UBE2O: variants seen among roughly 807,000 people sequenced by gnomAD.
UBE2O encodes the protein (E3-independent) E2 ubiquitin-conjugating enzyme.
UBE2O carries 15 observed loss-of-function variants against 125.8 expected under a neutral mutation model. The ratio of observed to expected loss-of-function variants is 0.12; its 90% CI spans 0.08 to 0.18. The LOEUF is 0.18. Among genes scored for constraint, UBE2O ranks in the 10% least tolerant of loss-of-function variants. The pLI is 1.00. For synonymous variants in UBE2O, 708 were observed against 703.2 expected, an observed-to-expected ratio of 1.01 and a Z score of -0.11; for missense variants, 1,280 against 1,723.6, an observed-to-expected ratio of 0.74 and a Z score of 4.56.
intron 1 of UBE2O, among the ~76,000 whole-genome samples, chr17:76,438,970 C>T (rs2073040844): frequency 6.6e-6 from 1 of 152,158 alleles, no homozygotes; most frequent in African/African-American, 2.4e-5. Context: ...CCCCACATTC[C>T]ACCTTGTAAA....
Position 76,407,759 on chromosome 17 carries a change from G to T in UBE2O, c.418-2187C>A, listed in dbSNP as rs116202300. Among the ~76,000 whole-genome samples, 1,219 of 152,382 alleles carry T rather than the reference G, an allele frequency of 8.0e-3. 21 individuals carry two copies. Among genetic ancestry groups the T allele is most frequent in the African/African-American group, 0.028 (1,158 of 41,590 alleles). On this transcript the variant is annotated intron_variant, in intron 1 of 17. Transcript: ENST00000319380. ...GGCAAGGCCAGAGGCTGGCAGGGCA[G>T]GCAGTGCCCAGTGCTCCCAGGAGAG...
chr17:76,426,915 T>G (rs1171965759), intron 1 of UBE2O, among the ~76,000 whole-genome samples: 1 of 132,972 alleles, frequency 7.5e-6, no homozygotes, highest in African/African-American at 3.0e-5. Flanking sequence ...AAATACAACT[T>G]TTTTTTTTTT....
rs374509574 is a variant in UBE2O at position 76,399,420 on chromosome 17, A to G, written c.1628+29T>C. 6.2e-7 allele frequency: 1 copy of G among 1,604,494 alleles called. No individual in the cohort carries two copies. Among genetic ancestry groups the G allele is most frequent in the Non-Finnish European group, 8.5e-7 (1 of 1,172,988 alleles). On this transcript the variant is annotated intron_variant, in intron 9 of 17. Coordinates refer to ENST00000319380, the MANE Select transcript of UBE2O (RefSeq NM_022066.4). This position sits in a 1 kb window ranked among gnomAD's most constrained non-coding sequence, Gnocchi z 6.9. ...CTCTGCCTGGCTTCACGCTGACGCC[A>G]TTGGGGAGGGGCACAACTCTGAGTT...
In UBE2O at chr17:76,452,747, T is replaced by C. The variant is rs893496556; in HGVS notation, c.395A>G (p.Lys132Arg). 6.0e-6 allele frequency: 9 copies of C among 1,505,866 alleles called. No individual in the cohort carries two copies. Among genetic ancestry groups the C allele is most frequent in the African/African-American group, 2.9e-5 (2 of 69,506 alleles). 93.3% of individuals were successfully genotyped at this position (1,505,866 alleles called of 1,614,324 possible). Residue 132 changes from lysine (K) to arginine (R), a missense_variant, in exon 1 of 18, where the codon AAG becomes AGG. By Grantham distance (26) the Lys-to-Arg change is conservative (BLOSUM62 2). Transcript: ENST00000319380. This position sits in a 1 kb window ranked among gnomAD's most constrained non-coding sequence, Gnocchi z 4.4. ...VRVQWYPEGV[K>R]QHVKETKLKL... ...CACCTTGGTCTCCTTCACATGCTGC[T>C]TGACGCCCTCCGGGTACCACTGGAC...
chr17:76,435,131 C>T (rs1598616999), intron 1 of UBE2O, among the ~76,000 whole-genome samples: 4 of 152,076 alleles, frequency 2.6e-5, no homozygotes, highest in South Asian at 2.1e-4. Context: ...TGAGTCACCA[C>T]GAAGCAAACG....
intron 1 of UBE2O, among the ~76,000 whole-genome samples, chr17:76,429,587 A>T (rs971099189): frequency 2.0e-5 from 3 of 152,056 alleles, no homozygotes; most frequent in African/African-American, 4.8e-5. Flanking sequence ...GAGGTGATAA[A>T]AAGATGATAG....
chr17:76,452,119 G>A lies in UBE2O; in HGVS notation c.417+606C>T, dbSNP rs977387257. Among the ~76,000 whole-genome samples the A allele has an allele frequency of 1.3e-5, 2 of 151,966 alleles. No homozygotes were observed. The highest frequency in any genetic ancestry group is 4.8e-5 in the African/African-American group (2 of 41,358). ...CTCCCCCCCAAGTACTATTCATACCGGGGCTCTGATTGCTAATGATTTTAC... is the reference window on the plus strand; with the variant it reads ...CTCCCCCCCAAGTACTATTCATACCAGGGCTCTGATTGCTAATGATTTTAC... On this transcript the variant is annotated intron_variant, in intron 1 of 17. Coordinates refer to ENST00000319380, the MANE Select transcript of UBE2O (RefSeq NM_022066.4). This position sits in a 1 kb window ranked among gnomAD's most constrained non-coding sequence, Gnocchi z 4.4.
chr17:76,407,576 A>G (rs1598594215), intron 1 of UBE2O, among the ~76,000 whole-genome samples: 1 of 152,292 alleles, frequency 6.6e-6, no homozygotes, highest in East Asian at 1.9e-4. Flanking sequence ...AGCAGCCAGG[A>G]AAGGAGGAGA....
chr17:76,398,595 A>G lies in UBE2O; in HGVS notation c.1784-11T>C. 5.6e-6 allele frequency: 9 copies of G among 1,612,718 alleles called. No individual in the cohort carries two copies. The highest frequency in any genetic ancestry group is 7.6e-6 in the Non-Finnish European group (9 of 1,178,950). On this transcript the variant is annotated splice_polypyrimidine_tract_variant and intron_variant, in intron 10 of 17. Coordinates refer to ENST00000319380, the MANE Select transcript of UBE2O (RefSeq NM_022066.4). This position sits in a 1 kb window ranked among gnomAD's most constrained non-coding sequence, Gnocchi z 5.4. ...CTGGACAGCTCTGGACTAGGGAACC[A>G]GAGAAAGGGAAGTGACTAGCTAAGG...
chr17:76,422,476 C>T (rs1331722396), intron 1 of UBE2O, among the ~76,000 whole-genome samples: 1 of 152,216 alleles, frequency 6.6e-6, no homozygotes, highest in Non-Finnish European at 1.5e-5. Flanking sequence ...GCCCATTCAG[C>T]AAACTGAATA....
Position 76,398,740 on chromosome 17 carries a change from GCT to G in UBE2O, c.1783+95_1783+96del. ...CAGTCCCCTTCTGGACCTCATTTTAGCTCTGACCCCAGATCCACTGCCCATTC... is the reference window on the plus strand; with the variant it reads ...CAGTCCCCTTCTGGACCTCATTTTAGCTGACCCCAGATCCACTGCCCATTC... On this transcript the variant is annotated intron_variant, in intron 10 of 17. Coordinates refer to ENST00000319380, the MANE Select transcript of UBE2O (RefSeq NM_022066.4). The surrounding 1 kb of genome is among the most constrained non-coding windows in gnomAD (Gnocchi z 5.4). 3 of 1,527,416 alleles carry G rather than the reference GCT, an allele frequency of 2.0e-6. No individual in the cohort carries two copies. Among genetic ancestry groups the G allele is most frequent in the South Asian group, 2.4e-5 (2 of 81,918 alleles). 94.6% of individuals were successfully genotyped at this position (1,527,416 alleles called of 1,614,324 possible). A position where few individuals can be genotyped will look rare whatever the true frequency, so the allele number is the denominator to read the frequency against.
chr17:76,441,628 C>A (rs2073076343), intron 1 of UBE2O, among the ~76,000 whole-genome samples: 1 of 152,252 alleles, frequency 6.6e-6, no homozygotes, highest in East Asian at 1.9e-4. Context: ...CCAGCAGCAT[C>A]AATGTCACTG....
At chr17:76,451,405 G>C (rs750374705) in intron 1 of UBE2O, among the ~76,000 whole-genome samples, 13 of 152,202 alleles carry the variant, frequency 8.5e-5, no homozygotes, top group Non-Finnish European at 1.8e-4. Context: ...TCTCTGAGGG[G>C]AAGCAGGGTC....
At chr17:76,433,712 A>AG (rs2072939392) in intron 1 of UBE2O, among the ~76,000 whole-genome samples, 2 of 151,158 alleles carry the variant, frequency 1.3e-5, no homozygotes, top group African/African-American at 4.9e-5. Context: ...ACTCCATCTC[A>AG]GAAAAAAAAA....
At chr17:76,438,762 G>A (rs1411378079) in intron 1 of UBE2O, among the ~76,000 whole-genome samples, 1 of 152,034 alleles carries the variant, frequency 6.6e-6, no homozygotes, top group Non-Finnish European at 1.5e-5. Context: ...TCTTGCACTG[G>A]AACAGATCAC....
chr17:76,398,816 C>T lies in UBE2O; in HGVS notation c.1783+21G>A, dbSNP rs1346470647. 2 of 1,610,092 alleles carry T rather than the reference C, an allele frequency of 1.2e-6. No homozygotes were observed. The highest frequency in any genetic ancestry group is 4.5e-5 in the East Asian group (2 of 44,836). Reference sequence around the variant, plus strand: ...TCATTGGCGACCACCCTGCTGGCTGCCCTTCCAGAGCTGGCACTACCTCGC... The same window carrying T: ...TCATTGGCGACCACCCTGCTGGCTGTCCTTCCAGAGCTGGCACTACCTCGC... On this transcript the variant is annotated intron_variant, in intron 10 of 17. Coordinates refer to ENST00000319380, the MANE Select transcript of UBE2O (RefSeq NM_022066.4). This position sits in a 1 kb window ranked among gnomAD's most constrained non-coding sequence, Gnocchi z 5.4.
chr17:76,411,505 C>G (rs1455999564), intron 1 of UBE2O, among the ~76,000 whole-genome samples: 1 of 152,164 alleles, frequency 6.6e-6, no homozygotes, highest in Admixed American at 6.5e-5. Flanking sequence ...AAAGCAGGGG[C>G]CTGCATGGAG....
chr17:76,448,682 G>A (rs566622468), intron 1 of UBE2O, among the ~76,000 whole-genome samples: 2 of 152,364 alleles, frequency 1.3e-5, no homozygotes, highest in African/African-American at 4.8e-5. Flanking sequence ...CCTCCGAAAC[G>A]AAGGCTGAAC....
intron 1 of UBE2O, among the ~76,000 whole-genome samples, chr17:76,418,869 G>A (rs540466077): frequency 1.8e-4 from 27 of 152,168 alleles, no homozygotes; most frequent in African/African-American, 6.0e-4. Context: ...GCGCCTGTCC[G>A]GAACAGATTT....
Sources: allele counts gnomAD v4.1 joint callset (sites outside exome capture counted in the v4.1 genomes callset), GRCh38; gene constraint gnomAD v4.1.1; non-coding constraint Gnocchi (gnomAD v3.1); transcripts MANE v1.5; gene names NCBI Gene and HGNC (gene_info 2026-07-23, HGNC 2026-07-21).